PPP1R9A: variants seen among roughly 807,000 people sequenced by gnomAD.
PPP1R9A encodes protein phosphatase 1 regulatory subunit 9A, also known as neurabin-1.
A neutral mutation model predicts 141.9 loss-of-function variants in PPP1R9A; 59 were observed. That is an observed-to-expected ratio of 0.42 (90% confidence interval 0.34 to 0.52). The LOEUF is 0.52. PPP1R9A is among the 20% of genes least tolerant of loss of function. The probability of loss-of-function intolerance (pLI) is 0.10; values close to 1 mark genes in which losing one functional copy is unlikely to be tolerated. For missense variants in PPP1R9A, 1,444 were observed against 1,611.9 expected, an observed-to-expected ratio of 0.90 and a Z score of 1.78; for synonymous variants, 500 against 569.7, an observed-to-expected ratio of 0.88 and a Z score of 1.74.
intron 8 of PPP1R9A, among the ~76,000 whole-genome samples, chr7:95,237,045 T>A (rs1796780555): frequency 6.6e-6 from 1 of 151,678 alleles, no homozygotes; most frequent in Non-Finnish European, 1.5e-5. Flanking sequence ...TTGTGTAGAA[T>A]TTTTTAAGAT....
chr7:95,040,750 T>C (rs1288828988), intron 2 of PPP1R9A, among the ~76,000 whole-genome samples: 1 of 152,188 alleles, frequency 6.6e-6, no homozygotes, highest in Non-Finnish European at 1.5e-5. Flanking sequence ...AGAAATTGTT[T>C]AATCTACTCT....
intron 2 of PPP1R9A, among the ~76,000 whole-genome samples, chr7:94,988,665 C>G (rs1801137722): frequency 6.6e-6 from 1 of 151,880 alleles, no homozygotes; most frequent in Admixed American, 6.6e-5. Flanking sequence ...CGTCTACTTT[C>G]TAAAAAAATG....
chr7:95,281,975 G>T (rs1054740911), intron 16 of PPP1R9A, among the ~76,000 whole-genome samples: 1 of 152,128 alleles, frequency 6.6e-6, no homozygotes, highest in African/African-American at 2.4e-5. Flanking sequence ...GTATGGGACT[G>T]CAGAGAAAAT....
chr7:95,233,863 A>C (rs1378559198), intron 8 of PPP1R9A, among the ~76,000 whole-genome samples: 1 of 152,194 alleles, frequency 6.6e-6, no homozygotes, highest in Non-Finnish European at 1.5e-5. Context: ...GGGATGCAGG[A>C]ATGATTTAAC....
chr7:95,280,412 A>C (rs921375847), intron 16 of PPP1R9A, among the ~76,000 whole-genome samples: 1 of 152,216 alleles, frequency 6.6e-6, no homozygotes, highest in Admixed American at 6.5e-5. Context: ...TTAGAATGAC[A>C]ACAACAAAGA....
intron 2 of PPP1R9A, among the ~76,000 whole-genome samples, chr7:95,010,048 T>G (rs1804191417): frequency 6.6e-6 from 1 of 152,198 alleles, no homozygotes; most frequent in African/African-American, 2.4e-5. Context: ...GGGTACAAAC[T>G]ATTCACAGTT....
intron 8 of PPP1R9A, among the ~76,000 whole-genome samples, chr7:95,227,537 T>G (rs1460555117): frequency 6.6e-6 from 1 of 152,222 alleles, no homozygotes; most frequent in African/African-American, 2.4e-5. Flanking sequence ...CTGGGCTACT[T>G]TTTATAAATA....
chr7:95,171,395 A>G (rs925542256), intron 5 of PPP1R9A, among the ~76,000 whole-genome samples: 6 of 151,774 alleles, frequency 4.0e-5, no homozygotes, highest in African/African-American at 1.4e-4. Context: ...GGTTATATTG[A>G]TATTAGACAA....
At chr7:95,170,884 G>T (rs531474144) in intron 5 of PPP1R9A, among the ~76,000 whole-genome samples, 2 of 151,712 alleles carry the variant, frequency 1.3e-5, no homozygotes, top group South Asian at 2.1e-4. Context: ...TGACTGTGTT[G>T]TTTGAGATTT....
chr7:94,988,598 A>G (rs1469044775), intron 2 of PPP1R9A, among the ~76,000 whole-genome samples: 2 of 152,050 alleles, frequency 1.3e-5, no homozygotes, highest in East Asian at 3.9e-4. Flanking sequence ...GTAGGTATTT[A>G]CTTCTGTTAC....
Position 95,268,532 on chromosome 7 carries a change from A to C in PPP1R9A, c.2666-18A>C, listed in dbSNP as rs371830914. On this transcript the variant is annotated intron_variant, in intron 12 of 19. Coordinates refer to ENST00000433360, the MANE Select transcript of PPP1R9A (RefSeq NM_001166160.2). ...TCTCCAAAGGTTTCTCTCACTGATT[A>C]TCTTTCAATATTCTTAGACTTGAAT... 6.2e-7 allele frequency: 1 copy of C among 1,612,178 alleles called. No homozygotes were observed. Among genetic ancestry groups the C allele is most frequent in the Non-Finnish European group, 8.5e-7 (1 of 1,178,980 alleles).
intron 2 of PPP1R9A, among the ~76,000 whole-genome samples, chr7:94,915,136 G>A (rs1791916549): frequency 6.6e-6 from 1 of 152,304 alleles, no homozygotes; most frequent in Admixed American, 6.5e-5. Context: ...TATATTTTGT[G>A]TTTTCTCAAA....
At chr7:95,135,509 C>G (rs1053919773) in intron 4 of PPP1R9A, among the ~76,000 whole-genome samples, 2 of 151,998 alleles carry the variant, frequency 1.3e-5, no homozygotes, top group Non-Finnish European at 1.5e-5. Flanking sequence ...CTAGTTTGTT[C>G]TTTCTTTATT....
intron 4 of PPP1R9A, among the ~76,000 whole-genome samples, chr7:95,157,983 TA>T (rs1272862927): frequency 6.6e-6 from 1 of 152,088 alleles, no homozygotes; most frequent in Non-Finnish European, 1.5e-5. Context: ...CAAAACTAAT[TA>T]GGAAGAGCAA....
intron 8 of PPP1R9A, among the ~76,000 whole-genome samples, chr7:95,228,105 A>G (rs1229592321): frequency 1.3e-5 from 2 of 151,900 alleles, no homozygotes; most frequent in African/African-American, 4.8e-5. Flanking sequence ...ATCATATTGT[A>G]TTAGAGTCTT....
At chr7:95,090,224 C>T (rs1033368185) in intron 2 of PPP1R9A, among the ~76,000 whole-genome samples, 48 of 151,328 alleles carry the variant, frequency 3.2e-4, no homozygotes, top group African/African-American at 1.1e-3. Context: ...TACTGCCTGG[C>T]AAATACAAGC....
At chr7:95,051,829 T>A (rs1266254440) in intron 2 of PPP1R9A, among the ~76,000 whole-genome samples, 1 of 147,400 alleles carries the variant, frequency 6.8e-6, no homozygotes, top group African/African-American at 2.5e-5. Flanking sequence ...CATTAAAATT[T>A]TTTTTTTATT....
At chr7:95,070,321 T>TA (rs1813580550) in intron 2 of PPP1R9A, among the ~76,000 whole-genome samples, 2 of 152,018 alleles carry the variant, frequency 1.3e-5, no homozygotes. Context: ...CTGGCCTAAT[T>TA]ATGTTTGAAA....
chr7:95,258,218 G>A (rs1250745308), intron 12 of PPP1R9A, among the ~76,000 whole-genome samples: 2 of 152,130 alleles, frequency 1.3e-5, no homozygotes, highest in African/African-American at 2.4e-5. Flanking sequence ...TCTAACTGGT[G>A]TGAGATGGTA....
Sources: gnomAD v4.1 joint callset for allele counts (sites outside exome capture counted in the v4.1 genomes callset) on GRCh38, gnomAD v4.1.1 for gene constraint, MANE v1.5 for transcripts, NCBI Gene and HGNC (gene_info 2026-07-23, HGNC 2026-07-21) for gene names.